Variants in PHLPP2 observed in about 807,000 individuals in gnomAD.
PHLPP2 encodes PH domain and leucine rich repeat protein phosphatase 2, also known as PH domain leucine-rich repeat-containing protein phosphatase 2.
Under a neutral mutation model 124.9 loss-of-function variants are expected in PHLPP2, and 66 were observed. That is an observed-to-expected ratio of 0.53 (90% CI 0.43 to 0.65). PHLPP2 has a LOEUF of 0.65. PHLPP2 is among the 30% of genes least tolerant of loss of function. The pLI is 0.00. For synonymous variants in PHLPP2, 681 were observed against 624.7 expected (o/e 1.09, Z -1.34); for missense variants, 1,685 against 1,600.4 (o/e 1.05, Z -0.90).
chr16:71,688,611 T>G (rs1186160732), intron 4 of PHLPP2, among the ~76,000 whole-genome samples: 2 of 150,692 alleles, frequency 1.3e-5, no homozygotes, highest in African/African-American at 2.4e-5. Flanking sequence ...TCTGTGGGTT[T>G]TTTTTTTTTT....
intron 2 of PHLPP2, 92 bp from the exon 3 acceptor site, chr16:71,702,823 G>T (rs954292228): frequency 3.4e-5 from 26 of 757,536 alleles, no homozygotes; most frequent in Non-Finnish European, 4.8e-5. Flanking sequence ...ATAAATTTCA[G>T]GGGTACAAGT....
At chr16:71,724,138 C>A (rs1275664304) in intron 1 of PHLPP2, 191 bp downstream of exon 1, 2 of 152,884 alleles carry the variant, frequency 1.3e-5, no homozygotes, top group Non-Finnish European at 2.9e-5. Context: ...TGCCCGCCGC[C>A]CTAGGCTTGG....
intron 13 of PHLPP2, among the ~76,000 whole-genome samples, chr16:71,660,732 C>G (rs112973864): frequency 1.2e-3 from 181 of 152,114 alleles, no homozygotes; most frequent in African/African-American, 4.1e-3. Context: ...TTTTATTTAA[C>G]AATATATTTT....
chr16:71,653,582 C>T (rs980552718), intron 17 of PHLPP2, among the ~76,000 whole-genome samples: 1 of 152,128 alleles, frequency 6.6e-6, no homozygotes, highest in South Asian at 2.1e-4. Context: ...ACAATGTTAA[C>T]GAGGAACAGA....
At chr16:71,714,872 C>G (rs1054185302) in intron 1 of PHLPP2, 71 bp from the exon 2 acceptor site, 2 of 1,523,830 alleles carry the variant, frequency 1.3e-6, no homozygotes, top group African/African-American at 1.4e-5. Context: ...AGTCCTCACC[C>G]CACCTCTCTC....
rs1032583249 is a variant in PHLPP2, at chr16:71,672,252, A to T, written c.1532+10T>A. On this transcript the variant is annotated intron_variant, in intron 10 of 18. Coordinates refer to ENST00000568954, the MANE Select transcript of PHLPP2 (RefSeq NM_015020.3). Reference sequence around the variant, plus strand: ...AAGAAGCAAGCGCCACCCTCATGAAAGACACTCACCGGGAGAGATCCAAGA... The same window carrying T: ...AAGAAGCAAGCGCCACCCTCATGAATGACACTCACCGGGAGAGATCCAAGA... 1 of 1,608,052 alleles carries T rather than the reference A, an allele frequency of 6.2e-7. No homozygotes were observed.
chr16:71,653,038 G>T lies in PHLPP2; in HGVS notation c.2586-17C>A. ...CCTAATTTCCTGTTCAGAAAGAAAA[G>T]GAAAAGAAGACGTGGTGGCTAGTTT... On this transcript the variant is annotated splice_polypyrimidine_tract_variant and intron_variant, in intron 17 of 18. Transcript: ENST00000568954. The T allele has an allele frequency of 6.4e-7, 1 of 1,563,010 alleles. No individual in the cohort carries two copies. Among genetic ancestry groups the T allele is most frequent in the Non-Finnish European group, 8.8e-7 (1 of 1,140,380 alleles).
intron 15 of PHLPP2, among the ~76,000 whole-genome samples, chr16:71,657,444 G>C (rs754991099): frequency 1.4e-4 from 21 of 150,514 alleles, no homozygotes; most frequent in Non-Finnish European, 2.5e-4. Flanking sequence ...GCCCAGGCTG[G>C]AGTGCAGTGG....
At chr16:71,723,577 G>T (rs953093818) in intron 1 of PHLPP2, 3 of 241,848 alleles carry the variant, frequency 1.2e-5, no homozygotes, top group Admixed American at 5.7e-5. Flanking sequence ...GGACGCGGGC[G>T]CGGCGCGGAG....
At chr16:71,676,943 T>G in intron 8 of PHLPP2, 1 of 343,656 alleles carries the variant, frequency 2.9e-6, no homozygotes, top group Non-Finnish European at 5.5e-6. Flanking sequence ...GAGCTGGGGT[T>G]TCACCATGTT....
At position 71,693,020 on chromosome 16, in the gene PHLPP2, G is replaced by C. The variant is rs116357545; in HGVS notation, c.419-2311C>G. Among the ~76,000 whole-genome samples the C allele has an allele frequency of 6.7e-3, 1,022 of 152,264 alleles. 15 individuals carry two copies. The highest frequency in any genetic ancestry group is 0.022 in the African/African-American group (908 of 41,548). ...AATTCAACATGCCTGGCCAGGAGCA[G>C]TGGCTTATGCCTGTAATCCCAGCAC... On this transcript the variant is annotated intron_variant, in intron 3 of 18. Coordinates refer to ENST00000568954, the MANE Select transcript of PHLPP2 (RefSeq NM_015020.3).
chr16:71,652,867 G>C lies in PHLPP2; in HGVS notation c.2740C>G (p.Leu914Val). Residue 914 changes from leucine to valine, a missense_variant, in exon 18 of 19, where the codon CTC becomes GTC. Transcript: ENST00000568954. ...TGCTCCAGGCTGAAGACTTTAGAGAGGGGCACTGGCTTCCCACCTCGGCAC... is the reference window on the plus strand; with the variant it reads ...TGCTCCAGGCTGAAGACTTTAGAGACGGGCACTGGCTTCCCACCTCGGCAC... ...VLCRGGKPVP[L>V]SKVFSLEQDP... 6.2e-7 allele frequency: 1 copy of C among 1,614,140 alleles called. No individual in the cohort carries two copies. The highest frequency in any genetic ancestry group is 8.5e-7 in the Non-Finnish European group (1 of 1,180,026).
intron 3 of PHLPP2, among the ~76,000 whole-genome samples, chr16:71,694,335 C>T (rs2045146275): frequency 6.6e-6 from 1 of 152,042 alleles, no homozygotes; most frequent in Non-Finnish European, 1.5e-5. Context: ...GTGGCAGACA[C>T]CTGTAATCCC....
chr16:71,697,941 G>T (rs139683349), intron 3 of PHLPP2, among the ~76,000 whole-genome samples: 157 of 148,522 alleles, frequency 1.1e-3, no homozygotes, highest in African/African-American at 3.3e-3. Context: ...TCTGCCTCCC[G>T]GGTTCACACC....
Position 71,723,910 on chromosome 16 carries a change from C to T in PHLPP2, c.-7+419G>A, listed in dbSNP as rs776113102. On this transcript the variant is annotated intron_variant, in intron 1 of 18. Coordinates refer to ENST00000568954, the MANE Select transcript of PHLPP2 (RefSeq NM_015020.3). ...CAGAGACGCCCGGCCCGCGCGACGG[C>T]GTGCGGAGCCTCGGCGGCGCGCGCG... 19 of 808,244 alleles carry T rather than the reference C, an allele frequency of 2.4e-5. No homozygotes were observed. The East Asian group carries it at 1.1e-3, about 47-fold the overall frequency. The allele number at this position is 808,244 out of a possible 1,614,324, so 50.1% of individuals were successfully genotyped here. A position where few individuals can be genotyped will look rare whatever the true frequency, so the allele number is the denominator to read the frequency against.
rs137949943 is a variant in PHLPP2, at chr16:71,658,644, C to A, written c.2148+9G>T. The stretch of plus-strand genomic sequence containing the variant: ...CCAATAAGGACATCATTCCAGCACA[C>A]AGAAGTACCTGGATCTGAGGCAACT... On this transcript the variant is annotated intron_variant, in intron 14 of 18. Transcript: ENST00000568954. 1,355 of 1,612,900 alleles carry A rather than the reference C, an allele frequency of 8.4e-4. 14 individuals carry two copies. The East Asian group carries it at 0.025, about 30-fold the overall frequency.
At chr16:71,684,968 A>G (rs1299294814) in intron 4 of PHLPP2, among the ~76,000 whole-genome samples, 2 of 152,174 alleles carry the variant, frequency 1.3e-5, no homozygotes, top group Non-Finnish European at 2.9e-5. Context: ...TTGAGAAAAG[A>G]GGCAAAAACC....
At chr16:71,675,411 T>C (rs541790536) in intron 9 of PHLPP2, among the ~76,000 whole-genome samples, 2 of 152,350 alleles carry the variant, frequency 1.3e-5, no homozygotes, top group Admixed American at 6.5e-5. Context: ...GACCTTTTCA[T>C]TGAAAAATAT....
Position 71,647,237 on chromosome 16 carries a change from C to A in PHLPP2, c.*1653G>T, listed in dbSNP as rs1164383740. 1 of 152,572 alleles carries A rather than the reference C, an allele frequency of 6.6e-6. No homozygotes were observed. Among genetic ancestry groups the A allele is most frequent in the Non-Finnish European group, 1.5e-5 (1 of 68,030 alleles). The allele number at this position is 152,572 out of a possible 1,614,324, so 9.5% of individuals were successfully genotyped here. A position where few individuals can be genotyped will look rare whatever the true frequency, so the allele number is the denominator to read the frequency against. On this transcript the variant is annotated 3_prime_UTR_variant, in exon 19 of 19. Transcript: ENST00000568954. ...ATAAATAGGAATTAATTTTCCTAAG[C>A]AAATCTTCCAATGGAAAAAGTGACA...
Sources: allele counts gnomAD v4.1 joint callset (sites outside exome capture counted in the v4.1 genomes callset), GRCh38; gene constraint gnomAD v4.1.1; transcripts MANE v1.5; gene names NCBI Gene and HGNC (gene_info 2026-07-23, HGNC 2026-07-21).